Variants in SLC4A4 observed in about 807,000 individuals in gnomAD.
SLC4A4 encodes solute carrier family 4 member 4, also known as electrogenic sodium bicarbonate cotransporter 1.
In SLC4A4, 27 loss-of-function variants were observed where a neutral mutation model predicts 111.5. That is an observed-to-expected ratio of 0.24 (90% confidence interval 0.18 to 0.33). The LOEUF is 0.33. Ranked by LOEUF, SLC4A4 falls within the 10% of genes least tolerant of loss-of-function variation. The pLI is 1.00. For synonymous variants in SLC4A4, 443 were observed against 463.4 expected (o/e 0.96, Z 0.57); for missense variants, 909 against 1,315.5 (o/e 0.69, Z 4.78).
chr4:71,410,671 TG>T (rs1446637267), intron 7 of SLC4A4, among the ~76,000 whole-genome samples: 1 of 152,194 alleles, frequency 6.6e-6, no homozygotes, highest in Non-Finnish European at 1.5e-5. Context: ...GAGGGACTGT[TG>T]GGAATACATT....
intron 2 of SLC4A4, among the ~76,000 whole-genome samples, chr4:71,153,331 C>A (rs1282829262): frequency 6.6e-6 from 1 of 152,040 alleles, no homozygotes; most frequent in Admixed American, 6.6e-5. Flanking sequence ...ATGTTAATCT[C>A]CTTTGGCAAC....
At chr4:71,561,603 A>G (rs900544742) in intron 23 of SLC4A4, among the ~76,000 whole-genome samples, 1 of 151,824 alleles carries the variant, frequency 6.6e-6, no homozygotes, top group African/African-American at 2.4e-5. Flanking sequence ...CTAAAGAGAA[A>G]AAGAGGTGAA....
chr4:71,102,856 CA>C (rs1259008685), intron 2 of SLC4A4, among the ~76,000 whole-genome samples: 2 of 151,800 alleles, frequency 1.3e-5, no homozygotes, highest in Admixed American at 1.3e-4. Context: ...GAAGAAACTG[CA>C]TCAACTAACG....
chr4:71,466,699 C>A, intron 13 of SLC4A4, 122 bp downstream of exon 13: 1 of 1,050,834 alleles, frequency 9.5e-7, no homozygotes, highest in South Asian at 1.4e-5. Context: ...CTGGAATGTT[C>A]AGATGTGAGA....
At chr4:71,558,442 C>T (rs937361784) in intron 22 of SLC4A4, among the ~76,000 whole-genome samples, 2 of 151,884 alleles carry the variant, frequency 1.3e-5, no homozygotes, top group Non-Finnish European at 2.9e-5. Context: ...ACTCTCTATC[C>T]TTGTCATAGT....
At chr4:71,448,305 G>A (rs1407923862) in intron 9 of SLC4A4, among the ~76,000 whole-genome samples, 3 of 128,494 alleles carry the variant, frequency 2.3e-5, no homozygotes, top group African/African-American at 5.8e-5. Context: ...GGGCAACAGA[G>A]CGAGATTCCA....
chr4:71,452,946 T>C (rs1319637698), intron 11 of SLC4A4, among the ~76,000 whole-genome samples: 1 of 152,222 alleles, frequency 6.6e-6, no homozygotes, highest in Non-Finnish European at 1.5e-5. Context: ...ATTTATTGTC[T>C]GCCTCCTTTT....
chr4:71,423,517 G>C (rs1259256887), intron 7 of SLC4A4, among the ~76,000 whole-genome samples: 1 of 152,104 alleles, frequency 6.6e-6, no homozygotes, highest in African/African-American at 2.4e-5. Context: ...AACCAAAAAA[G>C]AGCCCGCATC....
intron 2 of SLC4A4, among the ~76,000 whole-genome samples, chr4:71,158,657 G>T (rs547746145): frequency 1.3e-5 from 2 of 152,272 alleles, no homozygotes; most frequent in South Asian, 4.2e-4. Flanking sequence ...CAGGGTATTT[G>T]GTGTTGGCAG....
At chr4:71,293,435 C>T (rs1174330498) in intron 3 of SLC4A4, among the ~76,000 whole-genome samples, 1 of 151,506 alleles carries the variant, frequency 6.6e-6, no homozygotes, top group Non-Finnish European at 1.5e-5. Flanking sequence ...TGGTGATGCA[C>T]ACCTGTAGTC....
chr4:71,492,656 G>GTC (rs1275803869), intron 15 of SLC4A4, among the ~76,000 whole-genome samples: 2 of 151,894 alleles, frequency 1.3e-5, no homozygotes, highest in East Asian at 1.9e-4. Flanking sequence ...TGCTCTTGAT[G>GTC]TCTCTCTCTC....
intron 2 of SLC4A4, among the ~76,000 whole-genome samples, chr4:71,245,334 G>C (rs1282538283): frequency 1.3e-5 from 2 of 152,182 alleles, no homozygotes; most frequent in Admixed American, 6.6e-5. Context: ...TTTTAGAAAA[G>C]ATTCCTTTGG....
chr4:71,229,202 T>C (rs748969008), intron 1 of SLC4A4, among the ~76,000 whole-genome samples: 1 of 152,234 alleles, frequency 6.6e-6, no homozygotes, highest in Non-Finnish European at 1.5e-5. Flanking sequence ...CATAACCCCC[T>C]GGAAATTCAT....
chr4:71,331,649 A>G (rs4362792), intron 3 of SLC4A4, among the ~76,000 whole-genome samples: 144,300 of 148,760 alleles, frequency 0.97, 70,163 homozygotes, highest in Middle Eastern at 1. Context: ...GTTAATGGGT[A>G]TAGCACACCA....
intron 5 of SLC4A4, among the ~76,000 whole-genome samples, chr4:71,351,192 G>C (rs1193901753): frequency 2.6e-5 from 4 of 152,200 alleles, no homozygotes; most frequent in African/African-American, 7.2e-5. Flanking sequence ...TACAAATGAT[G>C]CTTGACACCA....
rs149011004 is a variant in SLC4A4, at chr4:71,227,305, G to A, written c.-1-9271G>A. Among the ~76,000 whole-genome samples the A allele has an allele frequency of 8.5e-5, 13 of 152,296 alleles. No individual in the cohort carries two copies. The East Asian group carries it at 2.3e-3, about 27-fold the overall frequency. On this transcript the variant is annotated intron_variant, in intron 1 of 25. Transcript: ENST00000264485. ...TGGGGATGGTAGGACCTGAGCTTAC[G>A]TTTCATGTTAAGCAAGTTGGATTTC...
intron 2 of SLC4A4, among the ~76,000 whole-genome samples, chr4:71,178,488 A>AATCAAATAG (rs1340501087): frequency 3.3e-5 from 5 of 152,176 alleles, no homozygotes; most frequent in Admixed American, 3.3e-4. Context: ...AAGAGAGAAG[A>AATCAAATAG]ATCAAATAGA....
At chr4:71,348,802 A>G (rs1729561392) in intron 4 of SLC4A4, among the ~76,000 whole-genome samples, 1 of 152,078 alleles carries the variant, frequency 6.6e-6, no homozygotes, top group African/African-American at 2.4e-5. Flanking sequence ...ATAATACCCT[A>G]TGTAGAGCTT....
chr4:71,135,589 C>T (rs1743823007), intron 2 of SLC4A4, among the ~76,000 whole-genome samples: 1 of 152,124 alleles, frequency 6.6e-6, no homozygotes, highest in Non-Finnish European at 1.5e-5. Context: ...AGCCACCGTG[C>T]CCGGCTCACA....
Sources: gnomAD v4.1 joint callset for allele counts (sites outside exome capture counted in the v4.1 genomes callset) on GRCh38, gnomAD v4.1.1 for gene constraint, MANE v1.5 for transcripts, NCBI Gene and HGNC (gene_info 2026-07-23, HGNC 2026-07-21) for gene names.